Variants in IRAK2 observed in about 807,000 individuals in gnomAD.
IRAK2 encodes the protein interleukin-1 receptor-associated kinase-like 2.
In IRAK2, 57 loss-of-function variants were observed where a neutral mutation model predicts 72.0. That is an observed-to-expected ratio of 0.79 (90% CI 0.64 to 0.99). The LOEUF (loss-of-function observed/expected upper bound fraction) is 0.99, where lower values mean the gene tolerates loss of function less well. Ranked by LOEUF, IRAK2 falls within the 50% of genes least tolerant of loss-of-function variation. The pLI, the probability that IRAK2 is intolerant of heterozygous loss-of-function variation, is 0.00. For synonymous variants in IRAK2, 293 were observed against 312.7 expected (o/e 0.94, Z 0.67); for missense variants, 790 against 794.4 (o/e 0.99, Z 0.07).
At chr3:10,196,977 G>A (rs1697277202) in intron 2 of IRAK2, among the ~76,000 whole-genome samples, 1 of 152,124 alleles carries the variant, frequency 6.6e-6, no homozygotes, top group Non-Finnish European at 1.5e-5. Context: ...TAGCTAGCTT[G>A]CTAACTGATT....
chr3:10,204,394 CA>C (rs1399255983), intron 3 of IRAK2, among the ~76,000 whole-genome samples: 1 of 152,204 alleles, frequency 6.6e-6, no homozygotes, highest in Non-Finnish European at 1.5e-5. Context: ...ATGTCAGATA[CA>C]GTGCCGCTGC....
rs1294717716 is a variant in IRAK2 at position 10,217,041 on chromosome 3, AG to A, written c.899del (p.Gly300ValfsTer70). On this transcript the variant is annotated frameshift_variant, in exon 7 of 13. Transcript: ENST00000256458. LOFTEE classifies it high-confidence loss of function. ...AATGGTTCCCTACAGGACAGACTGC[AG>A]GGTCAGGTAAGGGACTGGGTCATGG... The part of the protein sequence containing the change: ...MANGSLQDRL[Q>X]GQGGSDPLPW... 10 of 1,609,926 alleles carry A rather than the reference AG, an allele frequency of 6.2e-6. No individual in the cohort carries two copies. Among genetic ancestry groups the A allele is most frequent in the Non-Finnish European group, 8.5e-6 (10 of 1,176,170 alleles).
chr3:10,221,429 A>AT (rs1697690674), intron 8 of IRAK2, among the ~76,000 whole-genome samples: 1 of 148,884 alleles, frequency 6.7e-6, no homozygotes, highest in Non-Finnish European at 1.5e-5. Context: ...AACTTTTTGT[A>AT]TTTTTAGTAG....
chr3:10,222,564 A>G (rs553033676), intron 8 of IRAK2, 72 bp from the exon 9 acceptor site: 2 of 1,308,722 alleles, frequency 1.5e-6, no homozygotes, highest in African/African-American at 2.9e-5. Flanking sequence ...TTGTCTCCCC[A>G]AAGGGTCTCC....
Position 10,219,741 on chromosome 3 carries a change from C to T in IRAK2, c.965C>T (p.Ala322Val), listed in dbSNP as rs769240434. The change falls in exon 8 of 13, where the codon GCC becomes GTC. Residue 322 changes from alanine to valine, a missense_variant. Physicochemically the swap from Ala to Val is moderately conservative, Grantham distance 64. Coordinates refer to ENST00000256458, the MANE Select transcript of IRAK2 (RefSeq NM_001570.4). ...AGCATCTGCTCAGGGCTGCTCTGTG[C>T]CGTCGAGTACCTGCATGGTCTGGAG... ...RVSICSGLLCAVEYLHGLEII... is the reference protein window; with the variant it reads ...RVSICSGLLCVVEYLHGLEII... 2 of 1,613,830 alleles carry T rather than the reference C, an allele frequency of 1.2e-6. No homozygotes were observed. Among genetic ancestry groups the T allele is most frequent in the Non-Finnish European group, 1.7e-6 (2 of 1,179,892 alleles).
chr3:10,194,595 C>G (rs368351137), intron 2 of IRAK2, among the ~76,000 whole-genome samples: 1 of 152,148 alleles, frequency 6.6e-6, no homozygotes, highest in Non-Finnish European at 1.5e-5. Flanking sequence ...GGTGTGCCAG[C>G]CTGAATGAGT....
At chr3:10,167,222 C>A (rs1021903265) in intron 1 of IRAK2, among the ~76,000 whole-genome samples, 24 of 152,138 alleles carry the variant, frequency 1.6e-4, no homozygotes, top group African/African-American at 5.8e-4. Flanking sequence ...AATCTTAGAA[C>A]ATTTTAATCA....
In IRAK2 at chr3:10,230,281, A is replaced by ACCCC. The variant is rs369885953; in HGVS notation, c.1272+3854_1272+3857dup. 4.0e-4 allele frequency among the ~76,000 whole-genome samples: 58 copies of ACCCC among 144,538 alleles called. No individual in the cohort carries two copies. The South Asian group carries it at 6.9e-3, about 17-fold the overall frequency. 94.8% of individuals were successfully genotyped at this position (144,538 alleles called of 152,430 possible). A position where few individuals can be genotyped will look rare whatever the true frequency, so the allele number is the denominator to read the frequency against. On this transcript the variant is annotated intron_variant, in intron 10 of 12. Coordinates refer to ENST00000256458, the MANE Select transcript of IRAK2 (RefSeq NM_001570.4). ...TCTATAAATTGAGGATAATAGTAGTACCCCCCCCCACCGACAAGGTATGTT... is the reference window on the plus strand; with the variant it reads ...TCTATAAATTGAGGATAATAGTAGTACCCCCCCCCCCCCACCGACAAGGTATGTT...
intron 9 of IRAK2, among the ~76,000 whole-genome samples, chr3:10,224,505 A>G (rs1575984958): frequency 6.6e-6 from 1 of 151,046 alleles, no homozygotes; most frequent in East Asian, 2.0e-4. Context: ...GATAATGTAT[A>G]TAAGCAGGTG....
At chr3:10,205,105 G>A (rs1697415928) in intron 3 of IRAK2, among the ~76,000 whole-genome samples, 1 of 152,252 alleles carries the variant, frequency 6.6e-6, no homozygotes, top group South Asian at 2.1e-4. Context: ...ATCCACCCAT[G>A]GCCAACTTCT....
In IRAK2 at chr3:10,164,968, T is replaced by C; in HGVS notation, c.14T>C (p.Ile5Thr). Residue 5 changes from isoleucine (I) to threonine (T), a missense_variant, in exon 1 of 13, where the codon ATC becomes ACC. Coordinates refer to ENST00000256458, the MANE Select transcript of IRAK2 (RefSeq NM_001570.4). MACYIYQLPSWVLDD... is the reference protein window; with the variant it reads MACYTYQLPSWVLDD... ...CCGTAGCGTGCCATGGCCTGCTACA[T>C]CTACCAGCTGCCCTCCTGGGTGCTG... 6.2e-7 allele frequency: 1 copy of C among 1,608,708 alleles called. No homozygotes were observed. Among genetic ancestry groups the C allele is most frequent in the Non-Finnish European group, 8.5e-7 (1 of 1,177,866 alleles).
At chr3:10,223,862 A>T (rs1035116469) in intron 9 of IRAK2, among the ~76,000 whole-genome samples, 8 of 152,176 alleles carry the variant, frequency 5.3e-5, no homozygotes, top group Non-Finnish European at 1.2e-4. Flanking sequence ...CTCTGACCAC[A>T]GTCTCCTGTC....
chr3:10,192,716 C>T (rs527626164), intron 2 of IRAK2, among the ~76,000 whole-genome samples: 3 of 151,994 alleles, frequency 2.0e-5, no homozygotes, highest in East Asian at 1.9e-4. Flanking sequence ...GTCAGGAGTT[C>T]GAGACCAGCC....
chr3:10,221,339 C>T (rs1349132413), intron 8 of IRAK2, among the ~76,000 whole-genome samples: 7 of 149,886 alleles, frequency 4.7e-5, no homozygotes, highest in South Asian at 2.1e-4. Context: ...CTGCAAGCTC[C>T]GCCTCCCAGG....
chr3:10,199,021 G>C (rs1041961834), intron 2 of IRAK2, among the ~76,000 whole-genome samples: 2 of 152,094 alleles, frequency 1.3e-5, no homozygotes, highest in African/African-American at 4.8e-5. Context: ...TCAGGCTAAG[G>C]AGTGTGGACA....
At chr3:10,173,442 C>G (rs1220889807) in intron 1 of IRAK2, among the ~76,000 whole-genome samples, 1 of 152,126 alleles carries the variant, frequency 6.6e-6, no homozygotes, top group Non-Finnish European at 1.5e-5. Flanking sequence ...TATTACCTGT[C>G]CATGCTGAGA....
intron 2 of IRAK2, among the ~76,000 whole-genome samples, chr3:10,187,934 G>T (rs569644429): frequency 6.6e-6 from 1 of 152,224 alleles, no homozygotes; most frequent in Admixed American, 6.5e-5. Flanking sequence ...GCTAGGGTCC[G>T]CCATCACCCT....
chr3:10,181,755 G>T (rs764994855), intron 2 of IRAK2, among the ~76,000 whole-genome samples: 1 of 152,084 alleles, frequency 6.6e-6, no homozygotes. Context: ...ATACTTCTGC[G>T]AGGACATCTG....
chr3:10,197,175 C>T (rs1479017469), intron 2 of IRAK2, among the ~76,000 whole-genome samples: 4 of 151,112 alleles, frequency 2.6e-5, no homozygotes, highest in Non-Finnish European at 5.9e-5. Context: ...GTCAGGAGTT[C>T]AAGACCAGCC....
Sources: gnomAD v4.1 joint callset for allele counts (sites outside exome capture counted in the v4.1 genomes callset) on GRCh38, gnomAD v4.1.1 for gene constraint, MANE v1.5 for transcripts, NCBI Gene and HGNC (gene_info 2026-07-23, HGNC 2026-07-21) for gene names.